The following CNTN1 variants were observed in gnomAD, a reference collection of about 807,000 sequenced individuals.
CNTN1 encodes contactin 1, also known as contactin-1.
Under a neutral mutation model 126.4 loss-of-function variants are expected in CNTN1, and 38 were observed. That is an observed-to-expected ratio of 0.30 (90% confidence interval 0.23 to 0.39). The LOEUF (loss-of-function observed/expected upper bound fraction) is 0.39. Ranked by LOEUF, CNTN1 falls within the 10% of genes least tolerant of loss-of-function variation. CNTN1 has a pLI of 1.00. For missense variants in CNTN1, 1,009 were observed against 1,248.4 expected, an observed-to-expected ratio of 0.81 and a Z score of 2.89; for synonymous variants, 413 against 422.6, an observed-to-expected ratio of 0.98 and a Z score of 0.28.
intron 23 of CNTN1, among the ~76,000 whole-genome samples, chr12:41,068,585 T>G (rs1237981262): frequency 6.6e-6 from 1 of 152,086 alleles, no homozygotes; most frequent in Non-Finnish European, 1.5e-5. Flanking sequence ...TTCCACCTTA[T>G]AGGGAACATG....
intron 9 of CNTN1, among the ~76,000 whole-genome samples, chr12:40,935,250 T>C (rs2136924761): frequency 6.6e-6 from 1 of 152,196 alleles, no homozygotes; most frequent in South Asian, 2.1e-4. Flanking sequence ...GGTAAGGTCC[T>C]TTAAACTTTT....
At chr12:40,786,534 GAAGATGTTTACA>G (rs1228605749) in intron 1 of CNTN1, among the ~76,000 whole-genome samples, 1 of 152,190 alleles carries the variant, frequency 6.6e-6, no homozygotes, top group African/African-American at 2.4e-5. Flanking sequence ...TTATAAGGTA[GAAGATGTTTACA>G]AAGTGGTTGC....
intron 18 of CNTN1, among the ~76,000 whole-genome samples, chr12:41,015,885 G>C (rs1237932735): frequency 6.6e-6 from 1 of 152,164 alleles, no homozygotes; most frequent in African/African-American, 2.4e-5. Context: ...TGAGTGACAA[G>C]AAACCTTGAG....
chr12:40,695,859 A>G (rs1327987327), intron 1 of CNTN1, among the ~76,000 whole-genome samples: 1 of 152,144 alleles, frequency 6.6e-6, no homozygotes, highest in East Asian at 1.9e-4. Flanking sequence ...AATTTATCTT[A>G]TTGAAAATAA....
intron 16 of CNTN1, among the ~76,000 whole-genome samples, chr12:40,986,323 A>G (rs970703252): frequency 1.6e-4 from 24 of 152,332 alleles, no homozygotes; most frequent in African/African-American, 5.5e-4. Context: ...AACAGTGATT[A>G]CTAAAGTAAA....
At chr12:41,021,843 T>C (rs1308368438) in intron 20 of CNTN1, among the ~76,000 whole-genome samples, 1 of 152,076 alleles carries the variant, frequency 6.6e-6, no homozygotes, top group Non-Finnish European at 1.5e-5. Context: ...ATTCACTAGA[T>C]GTTACAAACC....
chr12:41,002,698 C>T (rs1948395575), intron 17 of CNTN1, among the ~76,000 whole-genome samples: 1 of 151,852 alleles, frequency 6.6e-6, no homozygotes, highest in South Asian at 2.1e-4. Context: ...GCTGGGACCA[C>T]AGGTGCCTAC....
chr12:40,748,920 A>G (rs1305526332), intron 1 of CNTN1, among the ~76,000 whole-genome samples: 2 of 152,120 alleles, frequency 1.3e-5, no homozygotes, highest in East Asian at 3.9e-4. Context: ...TTTTTTATCT[A>G]TGTTTTCTTG....
At chr12:40,950,241 A>T (rs550062113) in intron 14 of CNTN1, among the ~76,000 whole-genome samples, 260 of 152,190 alleles carry the variant, frequency 1.7e-3, no homozygotes, top group African/African-American at 5.9e-3. Context: ...ACCAAGCTTG[A>T]GAAACGTCCT....
intron 1 of CNTN1, among the ~76,000 whole-genome samples, chr12:40,708,948 T>G (rs1203918890): frequency 6.6e-6 from 1 of 152,206 alleles, no homozygotes; most frequent in Non-Finnish European, 1.5e-5. Context: ...ATTCAACTTC[T>G]TCCAAACTCC....
chr12:40,895,940 ATTT>A (rs1439588519), intron 1 of CNTN1: 1 of 142,952 alleles, frequency 7.0e-6, no homozygotes, highest in South Asian at 2.3e-4. Context: ...TTTTTTTTGT[ATTT>A]TTTTAGTAGA....
intron 1 of CNTN1, among the ~76,000 whole-genome samples, chr12:40,861,832 C>A (rs1367065641): frequency 6.6e-6 from 1 of 152,090 alleles, no homozygotes; most frequent in Non-Finnish European, 1.5e-5. Flanking sequence ...CAGTGTACTT[C>A]CAGTTCTTTC....
intron 16 of CNTN1, among the ~76,000 whole-genome samples, chr12:40,985,026 T>C (rs1947922336): frequency 1.3e-5 from 2 of 152,080 alleles, no homozygotes; most frequent in Non-Finnish European, 2.9e-5. Context: ...CTGTTTGGGA[T>C]CAACTACTTT....
chr12:40,749,410 A>G (rs1938307787), intron 1 of CNTN1, among the ~76,000 whole-genome samples: 1 of 152,104 alleles, frequency 6.6e-6, no homozygotes, highest in South Asian at 2.1e-4. Flanking sequence ...AGGAGTGTAC[A>G]GATATTGTGA....
At chr12:40,742,934 A>G (rs544321080) in intron 1 of CNTN1, among the ~76,000 whole-genome samples, 2 of 152,262 alleles carry the variant, frequency 1.3e-5, no homozygotes, top group East Asian at 3.9e-4. Flanking sequence ...ATTATTATTA[A>G]GTAAGCAAGA....
chr12:40,851,431 G>A (rs534218659), intron 1 of CNTN1, among the ~76,000 whole-genome samples: 189 of 152,260 alleles, frequency 1.2e-3, no homozygotes, highest in African/African-American at 4.2e-3. Flanking sequence ...TAGGTAATCC[G>A]CATGAAATAT....
At chr12:40,764,581 A>G (rs565108834) in intron 1 of CNTN1, among the ~76,000 whole-genome samples, 91 of 152,354 alleles carry the variant, frequency 6.0e-4, no homozygotes, top group Non-Finnish European at 9.4e-4. Context: ...TTCCTGGTAT[A>G]GAAGATTTAC....
chr12:40,751,500 A>T (rs1938405392), intron 1 of CNTN1, among the ~76,000 whole-genome samples: 1 of 151,954 alleles, frequency 6.6e-6, no homozygotes, highest in Admixed American at 6.6e-5. Flanking sequence ...GTCAAAGGAG[A>T]GAGAGAAATA....
At chr12:41,005,603 A>C (rs1438002087) in intron 17 of CNTN1, among the ~76,000 whole-genome samples, 1 of 151,544 alleles carries the variant, frequency 6.6e-6, no homozygotes, top group African/African-American at 2.4e-5. Flanking sequence ...TATTTTTTGA[A>C]TTTTTTTCAT....
Sources: allele counts gnomAD v4.1 joint callset (sites outside exome capture counted in the v4.1 genomes callset), GRCh38; gene constraint gnomAD v4.1.1; transcripts MANE v1.5; gene names NCBI Gene and HGNC (gene_info 2026-07-23, HGNC 2026-07-21).